The following BUB1B variants were observed in gnomAD, a reference collection of about 807,000 sequenced individuals.
BUB1B encodes the protein BUB1 mitotic checkpoint serine/threonine kinase B, also known as mitotic checkpoint serine/threonine-protein kinase BUB1 beta.
In BUB1B, 86 loss-of-function variants were observed where a neutral mutation model predicts 137.7. The observed-to-expected ratio is 0.62, with a 90% CI of 0.52 to 0.75. BUB1B has a LOEUF of 0.75. Ranked by LOEUF, BUB1B falls within the 30% of genes least tolerant of loss-of-function variation. The pLI is 0.00. For synonymous variants in BUB1B, 420 were observed against 417.9 expected, an observed-to-expected ratio of 1.00 and a Z score of -0.06; for missense variants, 1,130 against 1,236.9, an observed-to-expected ratio of 0.91 and a Z score of 1.30.
Position 40,220,582 on chromosome 15 carries a change from G to A in BUB1B, c.2976G>A (p.Leu992=). 6.2e-7 allele frequency: 1 copy of A among 1,614,190 alleles called. No individual in the cohort carries two copies. The highest frequency in any genetic ancestry group is 8.5e-7 in the Non-Finnish European group (1 of 1,180,022). Reference sequence around the variant, plus strand: ...TTTTTAGGCTAAAAGATGGTGAATTGTGGAATAAATTCTTTGTGCGGATTC... The same window carrying A: ...TTTTTAGGCTAAAAGATGGTGAATTATGGAATAAATTCTTTGTGCGGATTC... ...QNISELKDGE[L]WNKFFVRILN... The change falls in exon 23 of 23, where the codon TTG becomes TTA. Residue 992 remains leucine, a synonymous_variant. Transcript: ENST00000287598.
At chr15:40,211,898 C>T (rs552494853) in intron 18 of BUB1B, among the ~76,000 whole-genome samples, 2 of 152,074 alleles carry the variant, frequency 1.3e-5, no homozygotes, top group Admixed American at 1.3e-4. Context: ...TTTTGGCTCA[C>T]TGCAACCTCT....
At chr15:40,210,272 G>A in intron 18 of BUB1B, 62 bp downstream of exon 18, 1 of 1,220,730 alleles carries the variant, frequency 8.2e-7, no homozygotes, top group Non-Finnish European at 1.2e-6. Flanking sequence ...AGCAATAACT[G>A]TCCTCATGTT....
intron 18 of BUB1B, among the ~76,000 whole-genome samples, chr15:40,212,233 A>AT (rs1385242487): frequency 2.6e-5 from 4 of 152,196 alleles, no homozygotes; most frequent in African/African-American, 9.6e-5. Flanking sequence ...TAGTATAGGA[A>AT]AATAGCCTTG....
intron 8 of BUB1B, among the ~76,000 whole-genome samples, chr15:40,190,553 G>A (rs140081587): frequency 1.3e-5 from 2 of 152,306 alleles, no homozygotes; most frequent in Non-Finnish European, 2.9e-5. Context: ...GTCTACGGCT[G>A]CAGTGAGCCA....
chr15:40,207,902 A>T (rs1414924322), intron 15 of BUB1B, among the ~76,000 whole-genome samples: 1 of 150,336 alleles, frequency 6.7e-6, no homozygotes, highest in Non-Finnish European at 1.5e-5. Flanking sequence ...ATAGCTAGGC[A>T]TGGTAGCACT....
intron 6 of BUB1B, 129 bp downstream of exon 6, chr15:40,184,012 G>A (rs2037329575): frequency 3.1e-6 from 3 of 962,236 alleles, no homozygotes; most frequent in East Asian, 5.3e-5. Flanking sequence ...AAAGAAGGAA[G>A]TCAAAGGAGA....
At chr15:40,166,399 G>A in intron 2 of BUB1B, 1 of 422,222 alleles carries the variant, frequency 2.4e-6, no homozygotes, top group Admixed American at 2.8e-5. Context: ...GAGTGCAGTG[G>A]CACGATCTTG....
intron 8 of BUB1B, among the ~76,000 whole-genome samples, chr15:40,193,789 G>A (rs1347328411): frequency 6.6e-6 from 1 of 152,004 alleles, no homozygotes; most frequent in Non-Finnish European, 1.5e-5. Flanking sequence ...AGCTACTCGG[G>A]AGGCGGAGGC....
At chr15:40,210,853 C>G (rs1358158632) in intron 18 of BUB1B, among the ~76,000 whole-genome samples, 1 of 152,150 alleles carries the variant, frequency 6.6e-6, no homozygotes, top group Admixed American at 6.5e-5. Context: ...ATTTTTCCTT[C>G]TTTCTGGATC....
chr15:40,188,395 C>G (rs917571349), intron 8 of BUB1B, among the ~76,000 whole-genome samples: 25 of 151,898 alleles, frequency 1.6e-4, no homozygotes, highest in African/African-American at 6.0e-4. Flanking sequence ...TTTGACCTCT[C>G]CACACATTTT....
Position 40,202,576 on chromosome 15 carries a change from T to G in BUB1B, c.1629-13T>G. On this transcript the variant is annotated splice_polypyrimidine_tract_variant and intron_variant, in intron 13 of 22. Coordinates refer to ENST00000287598, the MANE Select transcript of BUB1B (RefSeq NM_001211.6). ...ATGAAAAAAATTGCTAAGTGAGGTA[T>G]GTCTTTTTCCAGTCCTCCTGCAGAT... is the stretch of plus-strand genomic sequence containing the variant. 6.2e-7 allele frequency: 1 copy of G among 1,612,634 alleles called. No individual in the cohort carries two copies. The highest frequency in any genetic ancestry group is 8.5e-7 in the Non-Finnish European group (1 of 1,178,660).
At chr15:40,199,585 T>TAATA in intron 9 of BUB1B, 30 bp from the exon 10 acceptor site, 2 of 1,582,356 alleles carry the variant, frequency 1.3e-6, no homozygotes, top group Non-Finnish European at 1.7e-6. Flanking sequence ...CTATGAGGAA[T>TAATA]AATACCTCAA....
At position 40,185,658 on chromosome 15, in the gene BUB1B, G is replaced by C. The variant is rs527803673; in HGVS notation, c.1058+16G>C. 6.2e-6 allele frequency: 10 copies of C among 1,606,840 alleles called. No individual in the cohort carries two copies. In the Admixed American group the frequency reaches 1.2e-4, roughly 19 times the overall value. The stretch of plus-strand genomic sequence containing the variant: ...AGCCAGTTATGTGAGTGTGGTTTTT[G>C]GATATTTTGAAGTGGGAATTATTAA... On this transcript the variant is annotated intron_variant, in intron 8 of 22. Coordinates refer to ENST00000287598, the MANE Select transcript of BUB1B (RefSeq NM_001211.6).
At chr15:40,189,569 T>G (rs997887202) in intron 8 of BUB1B, among the ~76,000 whole-genome samples, 31 of 152,254 alleles carry the variant, frequency 2.0e-4, no homozygotes, top group African/African-American at 7.5e-4. Context: ...CCAAGTAGTA[T>G]TCCGTTGTGT....
chr15:40,194,203 G>T (rs1343634231), intron 8 of BUB1B, among the ~76,000 whole-genome samples: 1 of 152,066 alleles, frequency 6.6e-6, no homozygotes, highest in African/African-American at 2.4e-5. Flanking sequence ...GGTAAAATAG[G>T]TTGATTTTGT....
chr15:40,190,210 T>C (rs577412352), intron 8 of BUB1B, among the ~76,000 whole-genome samples: 3 of 152,348 alleles, frequency 2.0e-5, no homozygotes, highest in African/African-American at 7.2e-5. Flanking sequence ...AAACTAACTT[T>C]TTTTCCTTCT....
intron 5 of BUB1B, among the ~76,000 whole-genome samples, chr15:40,181,874 A>C (rs2037297755): frequency 6.6e-6 from 1 of 152,070 alleles, no homozygotes; most frequent in African/African-American, 2.4e-5. Flanking sequence ...AAATGTTTTT[A>C]CCTTCATCTC....
chr15:40,209,653 C>T lies in BUB1B; in HGVS notation c.2162C>T (p.Pro721Leu). Residue 721 changes from proline (P) to leucine (L), a missense_variant, in exon 17 of 23, where the codon CCA (proline) becomes CTA (leucine). Physicochemically the swap from Pro to Leu is moderately conservative, Grantham distance 98. Coordinates refer to ENST00000287598, the MANE Select transcript of BUB1B (RefSeq NM_001211.6). Reference protein sequence around the residue: ...NETSENPTQSPWCSQYRRQLL... With the variant: ...NETSENPTQSLWCSQYRRQLL... ...CTGGCAGAAAACCCTACTCAGTCAC[C>T]ATGGTGTTCACAGTATCGCAGACAG... 6.2e-7 allele frequency: 1 copy of T among 1,614,042 alleles called. No individual in the cohort carries two copies. The highest frequency in any genetic ancestry group is 8.5e-7 in the Non-Finnish European group (1 of 1,180,006).
At chr15:40,201,890 C>G (rs2037575127) in intron 12 of BUB1B, among the ~76,000 whole-genome samples, 2 of 151,908 alleles carry the variant, frequency 1.3e-5, no homozygotes, top group African/African-American at 4.8e-5. Flanking sequence ...AGGATGGTCT[C>G]GATCTCCTGA....
Sources: allele counts gnomAD v4.1 joint callset (sites outside exome capture counted in the v4.1 genomes callset), GRCh38; gene constraint gnomAD v4.1.1; transcripts MANE v1.5; gene names NCBI Gene and HGNC (gene_info 2026-07-23, HGNC 2026-07-21).